RLN1: variants seen among roughly 807,000 people sequenced by gnomAD.
The protein encoded by RLN1 is prorelaxin H1.
Under a neutral mutation model 7.2 loss-of-function variants are expected in RLN1, and 4 were observed. That is an observed-to-expected ratio of 0.56 (90% CI 0.28 to 1.28). The LOEUF is 1.28. Among genes scored for constraint, RLN1 ranks in the 50% most tolerant of loss-of-function variants. The pLI is 0.11. For synonymous variants in RLN1, 105 were observed against 86.0 expected, an observed-to-expected ratio of 1.22 and a Z score of -1.22; for missense variants, 293 against 221.1, an observed-to-expected ratio of 1.32 and a Z score of -2.06.
At chr9:5,337,149 C>A (rs950823265) in intron 1 of RLN1, among the ~76,000 whole-genome samples, 6 of 151,914 alleles carry the variant, frequency 3.9e-5, no homozygotes, top group African/African-American at 1.5e-4. Context: ...TTAAGACATC[C>A]TAAGTTTAAT....
At position 5,335,532 on chromosome 9, in the gene RLN1, T is replaced by G. The variant is rs1235828778; in HGVS notation, c.277A>C (p.Asn93His). The G allele has an allele frequency of 6.2e-7, 1 of 1,613,068 alleles. No homozygotes were observed. The highest frequency in any genetic ancestry group is 8.5e-7 in the Non-Finnish European group (1 of 1,179,326). ...GCTGCCTTCAGCTCCGGTGGCAAAT[T>G]AGCAATGAATTCCAACATGATAATT... The part of the protein sequence containing the change: ...TIIIMLEFIA[N>H]LPPELKAALS... Residue 93 changes from asparagine to histidine, a missense_variant, in exon 2 of 2, where the codon AAT (asparagine) becomes CAT (histidine). Transcript: ENST00000223862.
chr9:5,336,394 G>C (rs1816894544), intron 1 of RLN1, among the ~76,000 whole-genome samples: 1 of 151,976 alleles, frequency 6.6e-6, no homozygotes. Context: ...CCTAGGAAGG[G>C]CCTGTTCTTA....
rs1185475698 is a variant in RLN1, at chr9:5,335,488, T to C, written c.321A>G (p.Pro107=). The C allele has an allele frequency of 7.4e-6, 12 of 1,613,250 alleles. No homozygotes were observed. In the African/African-American group the frequency reaches 9.4e-5, roughly 13 times the overall value. The change falls in exon 2 of 2, where the codon CCA becomes CCG. Residue 107 remains proline, a synonymous_variant. Transcript: ENST00000223862. The stretch of plus-strand genomic sequence containing the variant: ...CATACTGCTGTAGCTCTGGTAATGA[T>C]GGTTGCCTCTCAGATAGGGCTGCCT... ...ELKAALSERQ[P]SLPELQQYVP...
rs1279840788 is a variant in RLN1 at position 5,335,525 on chromosome 9, G to T, written c.284C>A (p.Pro95Gln). 1 of 1,612,932 alleles carries T rather than the reference G, an allele frequency of 6.2e-7. No individual in the cohort carries two copies. Among genetic ancestry groups the T allele is most frequent in the Non-Finnish European group, 8.5e-7 (1 of 1,179,404 alleles). The change falls in exon 2 of 2, where the codon CCA (proline) becomes CAA (glutamine). Residue 95 changes from proline (P) to glutamine (Q), a missense_variant. Physicochemically the swap from Pro to Gln is moderately conservative, Grantham distance 76 (BLOSUM62 -1). Transcript: ENST00000223862. ...AGATAGGGCTGCCTTCAGCTCCGGT[G>T]GCAAATTAGCAATGAATTCCAACAT... ...IIMLEFIANL[P>Q]PELKAALSER...
chr9:5,340,069 A>G (rs1240890243), upstream of RLN1, among the ~76,000 whole-genome samples: 1 of 152,172 alleles, frequency 6.6e-6, no homozygotes, highest in African/African-American at 2.4e-5. Context: ...ACAACTTTGT[A>G]TACTTAGGTA....
rs372307726 is a variant in RLN1 at position 5,339,769 on chromosome 9, G to T, written c.-23C>A. ...CATCCTGGGCCTGGTCTCTCCTGGA[G>T]GTCTGGGTGTTGCAGCCTTTCAGGA... is the stretch of plus-strand genomic sequence containing the variant. On this transcript the variant is annotated 5_prime_UTR_variant, in exon 1 of 2. Transcript: ENST00000223862. The T allele has an allele frequency of 8.9e-5, 143 of 1,612,008 alleles. No homozygotes were observed. In the East Asian group the frequency reaches 1.5e-3, roughly 17 times the overall value.
At chr9:5,339,390 G>A (rs1204699241) in intron 1 of RLN1, 146 bp downstream of exon 1, 1 of 573,322 alleles carries the variant, frequency 1.7e-6, no homozygotes, top group Non-Finnish European at 3.0e-6. Flanking sequence ...CAAACTTTAG[G>A]GACCAGCCAC....
rs1389237966 is a variant in RLN1 at position 5,335,476 on chromosome 9, C to T, written c.333G>A (p.Glu111=). The T allele has an allele frequency of 1.9e-6, 3 of 1,613,292 alleles. No individual in the cohort carries two copies. The highest frequency in any genetic ancestry group is 2.5e-6 in the Non-Finnish European group (3 of 1,179,564). Residue 111 remains glutamate (E), a synonymous_variant, in exon 2 of 2, where the codon GAG becomes GAA. Coordinates refer to ENST00000223862, the MANE Select transcript of RLN1 (RefSeq NM_006911.4). The part of the protein sequence containing the change: ...ALSERQPSLP[E]LQQYVPALKD... ...TTAATGCAGGTACATACTGCTGTAG[C>T]TCTGGTAATGATGGTTGCCTCTCAG...
At position 5,339,784 on chromosome 9, in the gene RLN1, G is replaced by T; in HGVS notation, c.-38C>A. The T allele has an allele frequency of 1.9e-6, 3 of 1,606,722 alleles. No homozygotes were observed. The highest frequency in any genetic ancestry group is 1.3e-5 in the African/African-American group (1 of 74,242). On this transcript the variant is annotated 5_prime_UTR_variant, in exon 1 of 2. In the 5' UTR this introduces an upstream ATG that the reference lacks. Transcript: ENST00000223862. ...CTCTCCTGGAGGTCTGGGTGTTGCA[G>T]CCTTTCAGGACTGCGGCTGCTGTGG...
rs1210274921 is a variant in RLN1, at chr9:5,339,766, G to A, written c.-20C>T. 24 of 1,612,582 alleles carry A rather than the reference G, an allele frequency of 1.5e-5. No homozygotes were observed. Among genetic ancestry groups the A allele is most frequent in the Non-Finnish European group, 1.9e-5 (22 of 1,179,188 alleles). On this transcript the variant is annotated 5_prime_UTR_variant, in exon 1 of 2. Transcript: ENST00000223862. ...AGGCATCCTGGGCCTGGTCTCTCCT[G>A]GAGGTCTGGGTGTTGCAGCCTTTCA...
rs758408877 is a variant in RLN1 at position 5,335,299 on chromosome 9, T to G, written c.510A>C (p.Lys170Asn). 8.1e-6 allele frequency: 13 copies of G among 1,603,376 alleles called. No homozygotes were observed. The highest frequency in any genetic ancestry group is 3.4e-6 in the Non-Finnish European group (4 of 1,177,322). Reference sequence around the variant, plus strand: ...TTTTGGTACAACCAATTAGGCAACATTTCTCAAACAGTGCCACGTAGGGTC... The same window carrying G: ...TTTTGGTACAACCAATTAGGCAACAGTTCTCAAACAGTGCCACGTAGGGTC... ...KRRPYVALFE[K>N]CCLIGCTKRS... is the part of the protein sequence containing the mutation. The change falls in exon 2 of 2, where the codon AAA becomes AAC. Residue 170 changes from lysine to asparagine, a missense_variant. Transcript: ENST00000223862.
At chr9:5,336,371 G>C (rs1244310407) in intron 1 of RLN1, among the ~76,000 whole-genome samples, 1 of 152,010 alleles carries the variant, frequency 6.6e-6, no homozygotes, top group Non-Finnish European at 1.5e-5. Context: ...CACTATGCAA[G>C]ATCTGTGTGA....
chr9:5,340,545 G>A (rs1187666358), upstream of RLN1, among the ~76,000 whole-genome samples: 3 of 152,148 alleles, frequency 2.0e-5, no homozygotes, highest in Non-Finnish European at 4.4e-5. Flanking sequence ...AAGAGAGAGA[G>A]AAAAGAAGAA....
At position 5,339,532 on chromosome 9, in the gene RLN1, T is replaced by C. The variant is rs1816947258; in HGVS notation, c.211+4A>G. ...GAAGGCCGGGAGGGGGCGGGAGCTC[T>C]CACCTGCCACTGGTCTAGGTGTCTG... On this transcript the variant is annotated splice_donor_region_variant and intron_variant, in intron 1 of 1. Transcript: ENST00000223862. 6.4e-7 allele frequency: 1 copy of C among 1,563,480 alleles called. No homozygotes were observed. The highest frequency in any genetic ancestry group is 1.5e-5 in the African/African-American group (1 of 65,914).
Position 5,335,043 on chromosome 9 carries a change from A to G in RLN1, c.*208T>C. 4.4e-6 allele frequency: 2 copies of G among 458,668 alleles called. No individual in the cohort carries two copies. Among genetic ancestry groups the G allele is most frequent in the Non-Finnish European group, 7.6e-6 (2 of 263,578 alleles). The allele number at this position is 458,668 out of a possible 1,614,324, so 28.4% of individuals were successfully genotyped here. ...ATCAACACAATTATACTGTTAATAA[A>G]AAGACAAAAAGACTTCAGCATAGAA... is the stretch of plus-strand genomic sequence containing the variant. On this transcript the variant is annotated 3_prime_UTR_variant, in exon 2 of 2. Transcript: ENST00000223862.
At position 5,335,400 on chromosome 9, in the gene RLN1, G is replaced by A; in HGVS notation, c.409C>T (p.Gln137Ter). 6.2e-7 allele frequency: 1 copy of A among 1,613,476 alleles called. No homozygotes were observed. Among genetic ancestry groups the A allele is most frequent in the Non-Finnish European group, 8.5e-7 (1 of 1,179,720 alleles). ...EEFKKLIRNRQSEAADSNPSE... is the reference protein window; with the variant it reads ...EEFKKLIRNR ...GGATTGCTGTCTGCGGCTTCACTTT[G>A]CCTATTGCGAATAAGTTTCTTAAAT... Residue 137 changes from glutamine (Q) to a stop codon, truncating the protein, a stop_gained, in exon 2 of 2, where the codon CAA becomes TAA. Coordinates refer to ENST00000223862, the MANE Select transcript of RLN1 (RefSeq NM_006911.4). LOFTEE classifies it low-confidence loss of function (END_TRUNC).
chr9:5,337,923 G>T (rs532567169), intron 1 of RLN1, among the ~76,000 whole-genome samples: 2 of 152,104 alleles, frequency 1.3e-5, no homozygotes, highest in South Asian at 2.1e-4. Context: ...TTATGTGGCA[G>T]ATTTATGACA....
At chr9:5,339,175 G>A in intron 1 of RLN1, 1 of 195,346 alleles carries the variant, frequency 5.1e-6, no homozygotes. Flanking sequence ...GTGCAGGAGT[G>A]CGCCCGGCCT....
At chr9:5,339,191 G>T in intron 1 of RLN1, 1 of 199,418 alleles carries the variant, frequency 5.0e-6, no homozygotes, top group South Asian at 2.5e-5. Context: ...GGCCTCCTGC[G>T]GGTCTCCGGG....
Sources: gnomAD v4.1 joint callset for allele counts (sites outside exome capture counted in the v4.1 genomes callset) on GRCh38, gnomAD v4.1.1 for gene constraint, MANE v1.5 for transcripts, NCBI Gene and HGNC (gene_info 2026-07-23, HGNC 2026-07-21) for gene names.